Variants in ERMP1 observed in about 807,000 individuals in gnomAD.
The protein encoded by ERMP1 is Felix-ina.
In ERMP1, 86 loss-of-function variants were observed where a neutral mutation model predicts 92.0. The observed-to-expected ratio is 0.93, with a 90% CI of 0.79 to 1.12. The LOEUF is 1.12. Ranked by LOEUF, ERMP1 falls within the 50% of genes most tolerant of loss-of-function variation. The pLI is 0.00. For missense variants in ERMP1, 1,342 were observed against 1,116.3 expected, an observed-to-expected ratio of 1.20 and a Z score of -2.88; for synonymous variants, 530 against 412.8, an observed-to-expected ratio of 1.28 and a Z score of -3.44.
chr9:5,861,170 G>GTGTGTGTGTGTGTGTGTGTGTGTGT (rs1554630171), intron 5 of ERMP1, among the ~76,000 whole-genome samples: 3 of 102,076 alleles, frequency 2.9e-5, no homozygotes, highest in Admixed American at 1.1e-4. Context: ...TGGCTTAGGG[G>GTGTGTGTGTGTGTGTGTGTGTGTGT]GTGTGTGTGT....
At chr9:5,809,384 C>T (rs1336079620) in intron 8 of ERMP1, among the ~76,000 whole-genome samples, 2 of 152,316 alleles carry the variant, frequency 1.3e-5, no homozygotes, top group African/African-American at 4.8e-5. Context: ...AATAATATAA[C>T]AATATTCTCA....
At chr9:5,851,643 C>T (rs907754770) in intron 6 of ERMP1, among the ~76,000 whole-genome samples, 14 of 152,130 alleles carry the variant, frequency 9.2e-5, no homozygotes, top group Admixed American at 9.2e-4. Flanking sequence ...ATGGTCAAAC[C>T]CTTTTGTTCT....
chr9:5,802,357 A>G (rs994328914), intron 10 of ERMP1, among the ~76,000 whole-genome samples: 2 of 152,160 alleles, frequency 1.3e-5, no homozygotes, highest in Non-Finnish European at 1.5e-5. Context: ...ACTTATTTCC[A>G]TAAGTAGAAA....
chr9:5,842,672 T>C (rs1830181039), intron 6 of ERMP1, among the ~76,000 whole-genome samples: 1 of 152,186 alleles, frequency 6.6e-6, no homozygotes, highest in Non-Finnish European at 1.5e-5. Context: ...CAGAGACAAA[T>C]GCCTCCCCAA....
chr9:5,786,073 T>C lies in ERMP1; in HGVS notation c.*1071A>G, dbSNP rs1034865910. 2.0e-5 allele frequency: 3 copies of C among 152,000 alleles called. No individual in the cohort carries two copies. Among genetic ancestry groups the C allele is most frequent in the Non-Finnish European group, 4.4e-5 (3 of 68,016 alleles). The allele number at this position is 152,000 out of a possible 1,614,324, so 9.4% of individuals were successfully genotyped here. On this transcript the variant is annotated 3_prime_UTR_variant, in exon 15 of 15. Coordinates refer to ENST00000339450, the MANE Select transcript of ERMP1 (RefSeq NM_024896.3). Reference sequence around the variant, plus strand: ...TCTCATTCCAGTATAAGCCACAACCTCAAGTCTCAGGAAAGCCAGTCTGCT... The same window carrying C: ...TCTCATTCCAGTATAAGCCACAACCCCAAGTCTCAGGAAAGCCAGTCTGCT...
intron 1 of ERMP1, 42 bp from the exon 2 acceptor site, chr9:5,831,070 T>G (rs781569295): frequency 1.3e-6 from 2 of 1,546,780 alleles, no homozygotes; most frequent in South Asian, 1.2e-5. Context: ...GTAGTTAAAA[T>G]TGACACTTAG....
chr9:5,805,325 T>A, intron 9 of ERMP1, 108 bp from the exon 10 acceptor site: 1 of 829,996 alleles, frequency 1.2e-6, no homozygotes, highest in Non-Finnish European at 1.9e-6. Flanking sequence ...AGGTTAGATG[T>A]GACTCTTGCC....
At chr9:5,846,095 C>G (rs929989783) in intron 6 of ERMP1, among the ~76,000 whole-genome samples, 1 of 152,180 alleles carries the variant, frequency 6.6e-6, no homozygotes, top group Non-Finnish European at 1.5e-5. Flanking sequence ...AGCCCCTGCT[C>G]ATGTTCATGC....
Position 5,786,200 on chromosome 9 carries a change from G to GTA in ERMP1, c.*942_*943dup, listed in dbSNP as rs1205845132. ...GATTATACCATGAAGGACTAACCTT[G>GTA]TATAACACAAGACTCCTATGAAACA... On this transcript the variant is annotated 3_prime_UTR_variant, in exon 15 of 15. Coordinates refer to ENST00000339450, the MANE Select transcript of ERMP1 (RefSeq NM_024896.3). 2 of 152,152 alleles carry GTA rather than the reference G, an allele frequency of 1.3e-5. No individual in the cohort carries two copies. Among genetic ancestry groups the GTA allele is most frequent in the Non-Finnish European group, 2.9e-5 (2 of 68,048 alleles). The allele number at this position is 152,152 out of a possible 1,614,324, so 9.4% of individuals were successfully genotyped here. A position where few individuals can be genotyped will look rare whatever the true frequency, so the allele number is the denominator to read the frequency against.
intron 4 of ERMP1, among the ~76,000 whole-genome samples, chr9:5,818,966 G>A (rs949367594): frequency 6.6e-6 from 1 of 152,066 alleles, no homozygotes; most frequent in Admixed American, 6.6e-5. Context: ...AATCCTTACT[G>A]TTATATGTAT....
chr9:5,859,560 T>C (rs1830432737), exon 6 of ERMP1, among the ~76,000 whole-genome samples: 1 of 152,158 alleles, frequency 6.6e-6, no homozygotes, highest in Non-Finnish European at 1.5e-5. Context: ...CGGAGAGAAG[T>C]TCCGAGGCGA....
Position 5,824,926 on chromosome 9 carries a change from T to C in ERMP1, c.768+166A>G, listed in dbSNP as rs547354785. Reference sequence around the variant, plus strand: ...ATATTAAACATCTCTACATAAGTGGTTGTGAATTTGTTAAAGTACTGCTCA... The same window carrying C: ...ATATTAAACATCTCTACATAAGTGGCTGTGAATTTGTTAAAGTACTGCTCA... On this transcript the variant is annotated intron_variant, in intron 3 of 14. Coordinates refer to ENST00000339450, the MANE Select transcript of ERMP1 (RefSeq NM_024896.3). Among the ~76,000 whole-genome samples, 4 of 152,324 alleles carry C rather than the reference T, an allele frequency of 2.6e-5. No homozygotes were observed. In the East Asian group the frequency reaches 5.8e-4, roughly 22 times the overall value.
At chr9:5,844,340 T>A (rs1044695468) in intron 6 of ERMP1, among the ~76,000 whole-genome samples, 2 of 152,178 alleles carry the variant, frequency 1.3e-5, no homozygotes, top group Non-Finnish European at 2.9e-5. Flanking sequence ...AGTGATGCGA[T>A]TTCAGTTCAC....
At chr9:5,823,121 C>T (rs1384783645) in intron 4 of ERMP1, among the ~76,000 whole-genome samples, 1 of 151,908 alleles carries the variant, frequency 6.6e-6, no homozygotes, top group Non-Finnish European at 1.5e-5. Context: ...CCTGTCTCTA[C>T]AAAAAAATTT....
intron 8 of ERMP1, among the ~76,000 whole-genome samples, chr9:5,806,945 C>T (rs184961137): frequency 9.8e-5 from 15 of 152,288 alleles, no homozygotes; most frequent in Admixed American, 4.6e-4. Context: ...CCGCTCCCAA[C>T]AATGAAAGAT....
intron 4 of ERMP1, among the ~76,000 whole-genome samples, chr9:5,822,740 T>C (rs1353479283): frequency 2.0e-5 from 3 of 152,190 alleles, no homozygotes; most frequent in Non-Finnish European, 4.4e-5. Context: ...ACTTCCAATG[T>C]CAAATTTTAG....
intron 6 of ERMP1, among the ~76,000 whole-genome samples, chr9:5,845,131 G>T (rs1297568854): frequency 1.1e-5 from 1 of 94,180 alleles, no homozygotes; most frequent in African/African-American, 3.3e-5. Context: ...TTTCCATTGG[G>T]AAACTTTCAG....
At chr9:5,841,515 G>A (rs772963474) in intron 6 of ERMP1, among the ~76,000 whole-genome samples, 1 of 152,158 alleles carries the variant, frequency 6.6e-6, no homozygotes, top group Admixed American at 6.5e-5. Flanking sequence ...AAATGTTTTG[G>A]GGCCAGGTGT....
chr9:5,834,382 T>TATTTCATA (rs1297583708), upstream of ERMP1, among the ~76,000 whole-genome samples: 2 of 152,242 alleles, frequency 1.3e-5, no homozygotes, highest in African/African-American at 4.8e-5. Context: ...TGCATGTGAC[T>TATTTCATA]ATTTCATAAC....
Sources: gnomAD v4.1 joint callset for allele counts (sites outside exome capture counted in the v4.1 genomes callset) on GRCh38, gnomAD v4.1.1 for gene constraint, MANE v1.5 for transcripts, NCBI Gene and HGNC (gene_info 2026-07-23, HGNC 2026-07-21) for gene names.